WASF2: variants seen among roughly 807,000 people sequenced by gnomAD.
WASF2 encodes actin-binding protein WASF2.
In WASF2, 14 loss-of-function variants were observed where a neutral mutation model predicts 45.0. That is an observed-to-expected ratio of 0.31 (90% CI 0.21 to 0.49). WASF2 has a LOEUF of 0.49. WASF2 is among the 20% of genes least tolerant of loss of function. The probability of loss-of-function intolerance (pLI) is 0.99; values close to 1 mark genes in which losing one functional copy is unlikely to be tolerated. For synonymous variants in WASF2, 200 were observed against 236.3 expected, an observed-to-expected ratio of 0.85 and a Z score of 1.41; for missense variants, 439 against 636.1, an observed-to-expected ratio of 0.69 and a Z score of 3.33.
At chr1:27,486,273 T>TTTC in intron 1 of WASF2, among the ~76,000 whole-genome samples, 1 of 152,296 alleles carries the variant, frequency 6.6e-6, no homozygotes, top group East Asian at 1.9e-4. Flanking sequence ...ACCATATTTC[T>TTTC]TTTCTAAAAC....
intron 1 of WASF2, among the ~76,000 whole-genome samples, chr1:27,442,760 T>C (rs1045957748): frequency 4.0e-5 from 6 of 151,556 alleles, no homozygotes; most frequent in Admixed American, 2.0e-4. Flanking sequence ...CCCAGCACTT[T>C]AGGGGGCCGA....
At chr1:27,462,974 C>G (rs1307784276) in intron 1 of WASF2, among the ~76,000 whole-genome samples, 1 of 152,092 alleles carries the variant, frequency 6.6e-6, no homozygotes. Flanking sequence ...TGCGCGCCAC[C>G]ATGCCTGGCT....
intron 1 of WASF2, among the ~76,000 whole-genome samples, chr1:27,468,347 A>G (rs1047393154): frequency 6.6e-6 from 1 of 151,986 alleles, no homozygotes; most frequent in Non-Finnish European, 1.5e-5. Context: ...AACACCAGAG[A>G]AAAAAAGAAC....
chr1:27,468,539 G>A (rs1405312561), intron 1 of WASF2, among the ~76,000 whole-genome samples: 1 of 151,670 alleles, frequency 6.6e-6, no homozygotes, highest in Non-Finnish European at 1.5e-5. Flanking sequence ...TACTCAGGAG[G>A]CTGAGGTAGG....
chr1:27,440,076 G>C (rs1018494209), intron 1 of WASF2, among the ~76,000 whole-genome samples: 1 of 152,116 alleles, frequency 6.6e-6, no homozygotes, highest in Non-Finnish European at 1.5e-5. Context: ...TAAAAAAACA[G>C]ACGGAAAGGT....
intron 4 of WASF2, among the ~76,000 whole-genome samples, chr1:27,416,454 A>G (rs900706084): frequency 3.9e-5 from 6 of 152,164 alleles, no homozygotes; most frequent in Admixed American, 2.0e-4. Flanking sequence ...ATCAGAGGGG[A>G]TTTCTACCAC....
At chr1:27,409,638 C>T (rs2016732710) in intron 8 of WASF2, 54 bp downstream of exon 8, 1 of 1,411,072 alleles carries the variant, frequency 7.1e-7, no homozygotes, top group East Asian at 2.6e-5. Context: ...AATCAGTCAT[C>T]CCAGCTTCAG....
Position 27,412,572 on chromosome 1 carries a change from C to A in WASF2, c.824G>T (p.Ser275Ile). 1 of 1,614,158 alleles carries A rather than the reference C, an allele frequency of 6.2e-7. No individual in the cohort carries two copies. Among genetic ancestry groups the A allele is most frequent in the Non-Finnish European group, 8.5e-7 (1 of 1,180,036 alleles). ...DNLPPPPAEF[S>I]YPVDNQRGSG... is the part of the protein sequence containing the mutation. ...GGATGGAGTAGGTACCACCATTTAC[C>A]TGAATTCTGCTGGTGGAGGAGGCAA... Residue 275 changes from serine to isoleucine, a missense_variant and splice_region_variant, in exon 7 of 9, where the codon AGT (serine) becomes ATT (isoleucine). Transcript: ENST00000618852.
At chr1:27,416,383 T>C (rs572258016) in intron 4 of WASF2, among the ~76,000 whole-genome samples, 2 of 152,306 alleles carry the variant, frequency 1.3e-5, no homozygotes, top group East Asian at 3.9e-4. Context: ...GGATCCTGAT[T>C]ACTTCTGATG....
intron 2 of WASF2, among the ~76,000 whole-genome samples, chr1:27,427,340 A>C (rs1461969843): frequency 6.6e-6 from 1 of 152,202 alleles, no homozygotes; most frequent in African/African-American, 2.4e-5. Context: ...TGGAAATAAG[A>C]AGCATCATTA....
chr1:27,411,360 A>G (rs1339112340), intron 7 of WASF2, among the ~76,000 whole-genome samples: 1 of 152,244 alleles, frequency 6.6e-6, no homozygotes, highest in Non-Finnish European at 1.5e-5. Context: ...TCTGCCAGGG[A>G]CATGCACAAA....
Position 27,414,307 on chromosome 1 carries a change from C to T in WASF2, c.668+526G>A, listed in dbSNP as rs939443539. Among the ~76,000 whole-genome samples, 1 of 152,204 alleles carries T rather than the reference C, an allele frequency of 6.6e-6. No individual in the cohort carries two copies. Among genetic ancestry groups the T allele is most frequent in the Admixed American group, 6.5e-5 (1 of 15,280 alleles). On this transcript the variant is annotated intron_variant, in intron 6 of 8. Coordinates refer to ENST00000618852, the MANE Select transcript of WASF2 (RefSeq NM_006990.5). The surrounding 1 kb of genome is among the most constrained non-coding windows in gnomAD (Gnocchi z 4.1). ...TCCACAGAGATATATAGCCTCAATACTGGCCAAGCAACCTTTCCCACACTG... is the reference window on the plus strand; with the variant it reads ...TCCACAGAGATATATAGCCTCAATATTGGCCAAGCAACCTTTCCCACACTG...
intron 1 of WASF2, among the ~76,000 whole-genome samples, chr1:27,464,869 C>T (rs2017593802): frequency 6.6e-6 from 1 of 152,182 alleles, no homozygotes; most frequent in Non-Finnish European, 1.5e-5. Context: ...GCTGGGATTA[C>T]AGGCGCGTGC....
chr1:27,449,067 C>T (rs761939492), intron 1 of WASF2, among the ~76,000 whole-genome samples: 4 of 152,126 alleles, frequency 2.6e-5, no homozygotes, highest in Admixed American at 6.6e-5. Context: ...TGAGCTCAAG[C>T]GAAACACCTC....
intron 1 of WASF2, among the ~76,000 whole-genome samples, chr1:27,462,142 G>A (rs891512925): frequency 2.2e-4 from 33 of 150,976 alleles, no homozygotes; most frequent in African/African-American, 6.6e-4. Context: ...CGTTCCCGGC[G>A]AATTTTTGTA....
Position 27,414,336 on chromosome 1 carries a change from A to G in WASF2, c.668+497T>C, listed in dbSNP as rs531544048. On this transcript the variant is annotated intron_variant, in intron 6 of 8. Coordinates refer to ENST00000618852, the MANE Select transcript of WASF2 (RefSeq NM_006990.5). This position sits in a 1 kb window ranked among gnomAD's most constrained non-coding sequence, Gnocchi z 4.1. Reference sequence around the variant, plus strand: ...CCAAGCAACCTTTCCCACACTGTCTATGAGGTCTGCATTCAGTCCCTTGGC... The same window carrying G: ...CCAAGCAACCTTTCCCACACTGTCTGTGAGGTCTGCATTCAGTCCCTTGGC... 1.3e-5 allele frequency among the ~76,000 whole-genome samples: 2 copies of G among 152,312 alleles called. No homozygotes were observed. Among genetic ancestry groups the G allele is most frequent in the East Asian group, 1.9e-4 (1 of 5,194 alleles).
intron 1 of WASF2, among the ~76,000 whole-genome samples, chr1:27,437,570 T>A (rs1325354408): frequency 6.6e-6 from 1 of 152,174 alleles, no homozygotes; most frequent in African/African-American, 2.4e-5. Flanking sequence ...TTACACAGGA[T>A]CTACAATGTG....
At chr1:27,484,185 T>C (rs567378114) in intron 1 of WASF2, among the ~76,000 whole-genome samples, 2 of 152,248 alleles carry the variant, frequency 1.3e-5, no homozygotes, top group East Asian at 1.9e-4. Flanking sequence ...GTCATGGGGC[T>C]TTCTTCTAAA....
chr1:27,452,052 A>G (rs1176280414), intron 1 of WASF2, among the ~76,000 whole-genome samples: 1 of 152,204 alleles, frequency 6.6e-6, no homozygotes, highest in African/African-American at 2.4e-5. Flanking sequence ...CTGAAACTGG[A>G]TAAGGCAGGA....
Sources: gnomAD v4.1 joint callset for allele counts (sites outside exome capture counted in the v4.1 genomes callset) on GRCh38, gnomAD v4.1.1 for gene constraint, Gnocchi (gnomAD v3.1) non-coding constraint, MANE v1.5 for transcripts, NCBI Gene and HGNC (gene_info 2026-07-23, HGNC 2026-07-21) for gene names.